ARHGAP9: variants seen among roughly 807,000 people sequenced by gnomAD.
ARHGAP9 encodes rho GTPase-activating protein 9.
ARHGAP9 carries 76 observed loss-of-function variants against 87.3 expected under a neutral mutation model. That is an observed-to-expected ratio of 0.87 (90% CI 0.72 to 1.05). ARHGAP9 has a LOEUF of 1.05. Ranked by LOEUF, ARHGAP9 falls within the 50% of genes least tolerant of loss-of-function variation. The pLI, the probability that ARHGAP9 is intolerant of heterozygous loss-of-function variation, is 0.00. For missense variants in ARHGAP9, 941 were observed against 960.5 expected (o/e 0.98, Z 0.27); for synonymous variants, 382 against 394.9 (o/e 0.97, Z 0.39).
rs771235337 is a variant in ARHGAP9 at position 57,475,758 on chromosome 12, G to A, written c.1311+75C>T. ...GCCCACCCTGCCCCCAACTGCTCCT[G>A]ACTCCTATCGTTCCTACCCCACTCC... On this transcript the variant is annotated intron_variant, in intron 10 of 17. Coordinates refer to ENST00000393791, the MANE Select transcript of ARHGAP9 (RefSeq NM_032496.4). The A allele has an allele frequency of 6.2e-5, 98 of 1,569,234 alleles. 3 individuals carry two copies. In the South Asian group the frequency reaches 1.1e-3, roughly 18 times the overall value.
Position 57,476,433 on chromosome 12 carries a change from C to A in ARHGAP9, c.1047G>T (p.Trp349Cys). The change falls in exon 8 of 18, where the codon TGG (tryptophan) becomes TGT (cysteine). Residue 349 changes from tryptophan (W) to cysteine (C), a missense_variant. By Grantham distance (215) the Trp-to-Cys change is radical. Coordinates refer to ENST00000393791, the MANE Select transcript of ARHGAP9 (RefSeq NM_032496.4). ...RKLRKNWGPS[W>C]VVLTGNSLVF... ...CCAGGCTGTTACCCGTTAACACCAC[C>A]CAAGACGGGCCCCAGTTCTTCCTGC... is the stretch of plus-strand genomic sequence containing the variant. 1 of 1,614,114 alleles carries A rather than the reference C, an allele frequency of 6.2e-7. No homozygotes were observed. The highest frequency in any genetic ancestry group is 8.5e-7 in the Non-Finnish European group (1 of 1,180,016).
At chr12:57,482,786 C>T (rs1234650796), upstream of ARHGAP9, among the ~76,000 whole-genome samples, 1 of 151,980 alleles carries the variant, frequency 6.6e-6, no homozygotes. Flanking sequence ...ATGTGCTAGG[C>T]ATTGTCAATT....
At chr12:57,483,003 G>T (rs1875141713), upstream of ARHGAP9, among the ~76,000 whole-genome samples, 1 of 151,464 alleles carries the variant, frequency 6.6e-6, no homozygotes, top group South Asian at 2.1e-4. Context: ...GGAGGCTGGG[G>T]TAGGAGAATT....
At chr12:57,474,338 C>A in intron 15 of ARHGAP9, 85 bp downstream of exon 15, 1 of 1,590,586 alleles carries the variant, frequency 6.3e-7, no homozygotes, top group Non-Finnish European at 8.6e-7. Flanking sequence ...ACAACCCTCC[C>A]AGGAATAGTA....
In ARHGAP9 at chr12:57,476,614, A is replaced by C. The variant is rs1207924145; in HGVS notation, c.1001T>G (p.Ile334Ser). Residue 334 changes from isoleucine to serine, a missense_variant, in exon 7 of 18, where the codon ATT becomes AGT. Coordinates refer to ENST00000393791, the MANE Select transcript of ARHGAP9 (RefSeq NM_032496.4). ...CCTGAGCTTGCGCCCCCCTTGGGCA[A>C]TCTTGGTCATGTTGAGCAGACCCGA... ...EKSGLLNMTKIAQGGRKLRKN... is the reference protein window; with the variant it reads ...EKSGLLNMTKSAQGGRKLRKN... The C allele has an allele frequency of 6.2e-7, 1 of 1,614,106 alleles. No individual in the cohort carries two copies. The highest frequency in any genetic ancestry group is 8.5e-7 in the Non-Finnish European group (1 of 1,180,018).
chr12:57,474,197 A>C, intron 15 of ARHGAP9, 21 bp from the exon 16 acceptor site: 1 of 1,604,962 alleles, frequency 6.2e-7, no homozygotes, highest in Non-Finnish European at 8.5e-7. Flanking sequence ...AAGGAGGTAT[A>C]GGGGCTCATG....
chr12:57,488,722 G>C, exon 1 of ARHGAP9: 1 of 1,420,942 alleles, frequency 7.0e-7, no homozygotes, highest in Non-Finnish European at 9.7e-7. Flanking sequence ...TAATTATGAA[G>C]ATATCCCAGT....
At chr12:57,478,384 A>G in intron 3 of ARHGAP9, 156 bp downstream of exon 3, 1 of 748,692 alleles carries the variant, frequency 1.3e-6, no homozygotes, top group Non-Finnish European at 2.1e-6. Flanking sequence ...GCCACTCTCC[A>G]CCACATTAAC....
At position 57,478,690 on chromosome 12, in the gene ARHGAP9, G is replaced by A; in HGVS notation, c.384C>T (p.Ser128=). 6.2e-7 allele frequency: 1 copy of A among 1,614,138 alleles called. No homozygotes were observed. The highest frequency in any genetic ancestry group is 1.1e-5 in the South Asian group (1 of 91,086). Residue 128 remains serine, a synonymous_variant, in exon 3 of 18, where the codon AGC becomes AGT. Coordinates refer to ENST00000393791, the MANE Select transcript of ARHGAP9 (RefSeq NM_032496.4). The part of the protein sequence containing the change: ...SQALPSRAQA[S]SEQPPPLPRK... ...GGGGAAGTGGAGGAGGCTGCTCCGAGCTAGCCTGAGCCCTGCTTGGGAGGG... is the reference window on the plus strand; with the variant it reads ...GGGGAAGTGGAGGAGGCTGCTCCGAACTAGCCTGAGCCCTGCTTGGGAGGG...
At position 57,476,616 on chromosome 12, in the gene ARHGAP9, C is replaced by A. The variant is rs201853667; in HGVS notation, c.999G>T (p.Lys333Asn). 1.8e-5 allele frequency: 29 copies of A among 1,614,164 alleles called. No individual in the cohort carries two copies. The highest frequency in any genetic ancestry group is 2.3e-5 in the Non-Finnish European group (27 of 1,180,026). The change falls in exon 7 of 18, where the codon AAG (lysine) becomes AAT (asparagine). Residue 333 changes from lysine to asparagine, a missense_variant. By Grantham distance (94) the Lys-to-Asn change is moderately conservative (BLOSUM62 0). Transcript: ENST00000393791. ...VEKSGLLNMT[K>N]IAQGGRKLRK... ...TGAGCTTGCGCCCCCCTTGGGCAAT[C>A]TTGGTCATGTTGAGCAGACCCGACT...
At chr12:57,473,281 C>T (rs900924565) in intron 17 of ARHGAP9, among the ~76,000 whole-genome samples, 9 of 152,004 alleles carry the variant, frequency 5.9e-5, no homozygotes, top group African/African-American at 1.2e-4. Context: ...GGCGTGGTGG[C>T]GGGCACCTGT....
rs201900303 is a variant in ARHGAP9, at chr12:57,479,127, T to C, written c.280A>G (p.Thr94Ala). 8.7e-6 allele frequency: 14 copies of C among 1,614,150 alleles called. No homozygotes were observed. Among genetic ancestry groups the C allele is most frequent in the Non-Finnish European group, 1.1e-5 (13 of 1,180,020 alleles). ...IEESIPSQSP[T>A]TVIPGQLLWT... Reference sequence around the variant, plus strand: ...AGCAATTGGCCGGGGATGACGGTAGTTGGACTCTGGGAAGGGATGGATTCC... The same window carrying C: ...AGCAATTGGCCGGGGATGACGGTAGCTGGACTCTGGGAAGGGATGGATTCC... Residue 94 changes from threonine to alanine, a missense_variant, in exon 2 of 18, where the codon ACT becomes GCT. By Grantham distance (58) the Thr-to-Ala change is moderately conservative. Coordinates refer to ENST00000393791, the MANE Select transcript of ARHGAP9 (RefSeq NM_032496.4).
upstream of ARHGAP9, among the ~76,000 whole-genome samples, chr12:57,482,279 C>T (rs1008241778): frequency 6.6e-6 from 1 of 151,414 alleles, no homozygotes; most frequent in Non-Finnish European, 1.5e-5. Flanking sequence ...CTTGCTCTGT[C>T]GCCCAGACTG....
At chr12:57,476,503 A>G in intron 7 of ARHGAP9, 49 bp from the exon 8 acceptor site, 1 of 1,612,842 alleles carries the variant, frequency 6.2e-7, no homozygotes, top group Non-Finnish European at 8.5e-7. Flanking sequence ...GTCATTCTAG[A>G]ATGACACGAG....
intron 14 of ARHGAP9, 24 bp from the exon 15 acceptor site, chr12:57,474,500 C>A (rs1872870184): frequency 1.2e-6 from 2 of 1,614,026 alleles, no homozygotes. Flanking sequence ...GAGGAGAGAT[C>A]AGGAGCTAAG....
At position 57,477,675 on chromosome 12, in the gene ARHGAP9, G is replaced by A. The variant is rs1046953602; in HGVS notation, c.540C>T (p.Gly180=). The A allele has an allele frequency of 6.2e-7, 1 of 1,609,650 alleles. No homozygotes were observed. The highest frequency in any genetic ancestry group is 1.1e-5 in the South Asian group (1 of 90,986). Reference sequence around the variant, plus strand: ...GGGGCTCTGACATGAGGGGCTGGGGGCCTGCCTGCCAGAAAAGGGGGAAGA... The same window carrying A: ...GGGGCTCTGACATGAGGGGCTGGGGACCTGCCTGCCAGAAAAGGGGGAAGA... The part of the protein sequence containing the change: ...LPSEASASTA[G]PQPLMSEPPV... The change falls in exon 4 of 18, where the codon GGC becomes GGT. Residue 180 remains glycine, a synonymous_variant. Coordinates refer to ENST00000393791, the MANE Select transcript of ARHGAP9 (RefSeq NM_032496.4).
Position 57,478,762 on chromosome 12 carries a change from A to C in ARHGAP9, c.317-5T>G. The C allele has an allele frequency of 6.2e-7, 1 of 1,604,078 alleles. No individual in the cohort carries two copies. Among genetic ancestry groups the C allele is most frequent in the Non-Finnish European group, 8.5e-7 (1 of 1,173,338 alleles). On this transcript the variant is annotated splice_region_variant and splice_polypyrimidine_tract_variant and intron_variant, in intron 2 of 17. Coordinates refer to ENST00000393791, the MANE Select transcript of ARHGAP9 (RefSeq NM_032496.4). ...AACCATGAAACAACTTCGGCCCTGG[A>C]AACAGAAAAGGGGAGGGTGGGTGGC...
In ARHGAP9 at chr12:57,478,563, G is replaced by A; in HGVS notation, c.511C>T (p.Pro171Ser). 1 of 1,614,112 alleles carries A rather than the reference G, an allele frequency of 6.2e-7. No individual in the cohort carries two copies. The highest frequency in any genetic ancestry group is 8.5e-7 in the Non-Finnish European group (1 of 1,180,020). ...ACTGTGCTGGCACTGGCTTCTGACG[G>A]CAAGTCTTCCTGGGAGAGGGATCTT... ...SGRSLSQEDL[P>S]SEASASTAGP... The change falls in exon 3 of 18, where the codon CCG (proline) becomes TCG (serine). Residue 171 changes from proline to serine, a missense_variant. Transcript: ENST00000393791.
chr12:57,475,860 G>C lies in ARHGAP9; in HGVS notation c.1284C>G (p.Arg428=). Reference sequence around the variant, plus strand: ...GCCGCTCGATGACAGTCCGCAGCGCGCGGTGCCAGGCTCGCAGCTCTGTCT... The same window carrying C: ...GCCGCTCGATGACAGTCCGCAGCGCCCGGTGCCAGGCTCGCAGCTCTGTCT... ...DHETELRAWH[R]ALRTVIERLD... is the part of the protein sequence containing the mutation. Residue 428 remains arginine, a synonymous_variant, in exon 10 of 18, where the codon CGC becomes CGG. Coordinates refer to ENST00000393791, the MANE Select transcript of ARHGAP9 (RefSeq NM_032496.4). The C allele has an allele frequency of 6.2e-7, 1 of 1,613,886 alleles. No individual in the cohort carries two copies. The highest frequency in any genetic ancestry group is 8.5e-7 in the Non-Finnish European group (1 of 1,179,894).
Sources: allele counts gnomAD v4.1 joint callset (sites outside exome capture counted in the v4.1 genomes callset), GRCh38; gene constraint gnomAD v4.1.1; transcripts MANE v1.5; gene names NCBI Gene and HGNC (gene_info 2026-07-23, HGNC 2026-07-21).